FAR2: variants seen among roughly 807,000 people sequenced by gnomAD.
FAR2 encodes the protein epididymis secretory protein Li 81.
FAR2 carries 19 observed loss-of-function variants against 56.0 expected under a neutral mutation model. The observed-to-expected ratio is 0.34, with a 90% CI of 0.24 to 0.50. FAR2 has a LOEUF of 0.50. Ranked by LOEUF, FAR2 falls within the 20% of genes least tolerant of loss-of-function variation. FAR2 has a pLI of 0.98. For synonymous variants in FAR2, 219 were observed against 218.8 expected (o/e 1.00, Z -0.01); for missense variants, 508 against 642.2 (o/e 0.79, Z 2.26).
At chr12:29,157,051 A>G (rs2136573815) in intron 1 of FAR2, 1 of 147,108 alleles carries the variant, frequency 6.8e-6, no homozygotes, top group East Asian at 2.1e-4. Context: ...TGACATCTTC[A>G]TTCAATAGAC....
At chr12:29,284,071 A>G (rs1948830681) in intron 2 of FAR2, among the ~76,000 whole-genome samples, 1 of 152,206 alleles carries the variant, frequency 6.6e-6, no homozygotes, top group Non-Finnish European at 1.5e-5. Context: ...TTAGGATCTT[A>G]AGTTGCTAAT....
At chr12:29,328,834 T>C (rs1949687926) in intron 10 of FAR2, among the ~76,000 whole-genome samples, 1 of 151,786 alleles carries the variant, frequency 6.6e-6, no homozygotes, top group African/African-American at 2.4e-5. Flanking sequence ...ATGGCACATG[T>C]ATACATATGT....
chr12:29,245,045 A>C (rs1262505298), intron 1 of FAR2, among the ~76,000 whole-genome samples: 1 of 150,772 alleles, frequency 6.6e-6, no homozygotes, highest in African/African-American at 2.4e-5. Context: ...CAGTGGCATG[A>C]TCTTGGCTCA....
intron 2 of FAR2, among the ~76,000 whole-genome samples, chr12:29,273,728 G>T (rs1022140616): frequency 1.1e-4 from 16 of 152,372 alleles, no homozygotes; most frequent in Middle Eastern, 3.4e-3. Flanking sequence ...TAGCTGAGAG[G>T]CTGTAAGAAT....
intron 1 of FAR2, among the ~76,000 whole-genome samples, chr12:29,219,930 A>C (rs1351783710): frequency 6.6e-6 from 1 of 152,210 alleles, no homozygotes; most frequent in Non-Finnish European, 1.5e-5. Context: ...CAGAATCTGA[A>C]GTGTTTTGGA....
chr12:29,268,694 A>C (rs185913103), intron 1 of FAR2, among the ~76,000 whole-genome samples: 4 of 152,264 alleles, frequency 2.6e-5, no homozygotes, highest in Admixed American at 2.6e-4. Context: ...TAACAAAACT[A>C]TATTATTTAT....
At chr12:29,218,702 G>C (rs1947651096) in intron 1 of FAR2, among the ~76,000 whole-genome samples, 1 of 151,398 alleles carries the variant, frequency 6.6e-6, no homozygotes, top group African/African-American at 2.5e-5. Flanking sequence ...ATAACACCTA[G>C]AAAATGACTG....
rs1949772617 is a variant in FAR2 at position 29,334,534 on chromosome 12, CTTT to C, written c.*743_*745del. 1.3e-5 allele frequency: 2 copies of C among 152,082 alleles called. No individual in the cohort carries two copies. Among genetic ancestry groups the C allele is most frequent in the Non-Finnish European group, 2.9e-5 (2 of 67,992 alleles). The allele number at this position is 152,082 out of a possible 1,614,324, so 9.4% of individuals were successfully genotyped here. On this transcript the variant is annotated 3_prime_UTR_variant, in exon 12 of 12. Coordinates refer to ENST00000536681, the MANE Select transcript of FAR2 (RefSeq NM_001271783.2). ...AATTTGATAGCTATTATTTCTAAAT[CTTT>C]TTAATCCTCAATTTTCCTGGTAACC...
intron 4 of FAR2, chr12:29,301,981 C>G (rs1200430713): frequency 6.6e-6 from 1 of 152,162 alleles, no homozygotes; most frequent in Admixed American, 6.6e-5. Context: ...AGCCTGTAAT[C>G]CCAGCACTTT....
At chr12:29,264,214 A>G (rs1184698540) in intron 1 of FAR2, among the ~76,000 whole-genome samples, 1 of 152,202 alleles carries the variant, frequency 6.6e-6, no homozygotes, top group Non-Finnish European at 1.5e-5. Context: ...AGAATGAAGG[A>G]CAAAAACCAT....
intron 2 of FAR2, among the ~76,000 whole-genome samples, chr12:29,279,754 CTCAA>C (rs1948757683): frequency 6.6e-6 from 1 of 152,078 alleles, no homozygotes; most frequent in South Asian, 2.1e-4. Flanking sequence ...ATACTCTCTC[CTCAA>C]TCAGAGAGAT....
rs767356040 is a variant in FAR2 at position 29,243,619 on chromosome 12, C to G, written c.-38-26793C>G. Among the ~76,000 whole-genome samples the G allele has an allele frequency of 2.0e-5, 3 of 151,956 alleles. No homozygotes were observed. The South Asian group carries it at 6.2e-4, about 32-fold the overall frequency. The stretch of plus-strand genomic sequence containing the variant: ...AGAAATGGGCAGATGTGGAGAAGCT[C>G]AGGTTATGTTGATATATCCTGGTCA... On this transcript the variant is annotated intron_variant, in intron 1 of 11. Transcript: ENST00000536681.
At chr12:29,162,061 C>T (rs924501717) in intron 1 of FAR2, among the ~76,000 whole-genome samples, 1 of 152,166 alleles carries the variant, frequency 6.6e-6, no homozygotes. Context: ...TGTCTTCTCC[C>T]AATCTATGCC....
intron 2 of FAR2, chr12:29,292,418 A>C (rs1160559715): frequency 1.3e-5 from 2 of 152,236 alleles, no homozygotes; most frequent in African/African-American, 2.4e-5. Context: ...AAAATTATAC[A>C]AATTTTAGAT....
Position 29,276,797 on chromosome 12 carries a change from A to C in FAR2, c.189+6159A>C, listed in dbSNP as rs74982121. 9.1e-3 allele frequency among the ~76,000 whole-genome samples: 1,379 copies of C among 151,736 alleles called. 23 individuals carry two copies. The highest frequency in any genetic ancestry group is 0.032 in the African/African-American group (1,321 of 41,444). ...AAATTGTATTTTTTTATATTTTTTA[A>C]GTTATGGGGATGAGCTATGTTTGAA... On this transcript the variant is annotated intron_variant, in intron 2 of 11. Transcript: ENST00000536681.
At chr12:29,209,752 G>A (rs946235645) in intron 1 of FAR2, among the ~76,000 whole-genome samples, 27 of 151,680 alleles carry the variant, frequency 1.8e-4, no homozygotes, top group African/African-American at 5.8e-4. Context: ...AAAAGAATGC[G>A]TAAAAGAAAG....
chr12:29,253,249 CG>C (rs1948249852), intron 1 of FAR2, among the ~76,000 whole-genome samples: 1 of 114,478 alleles, frequency 8.7e-6, no homozygotes, highest in African/African-American at 4.3e-5. Context: ...ATCTATATAT[CG>C]ATATCTATCT....
intron 10 of FAR2, among the ~76,000 whole-genome samples, chr12:29,332,245 T>A (rs1565529393): frequency 6.6e-6 from 1 of 152,214 alleles, no homozygotes; most frequent in South Asian, 2.1e-4. Flanking sequence ...TATGTTTTGG[T>A]CACTAACATA....
intron 2 of FAR2, 65 bp downstream of exon 2, chr12:29,270,703 T>C: frequency 7.0e-7 from 1 of 1,426,100 alleles, no homozygotes. Context: ...CACTACAATG[T>C]TCTCTTATAG....
Sources: allele counts gnomAD v4.1 joint callset (sites outside exome capture counted in the v4.1 genomes callset), GRCh38; gene constraint gnomAD v4.1.1; transcripts MANE v1.5; gene names NCBI Gene and HGNC (gene_info 2026-07-23, HGNC 2026-07-21).